The following HMCN1 variants were observed in gnomAD, a reference collection of about 807,000 sequenced individuals.
HMCN1 encodes the protein hemicentin 1.
In HMCN1, 321 loss-of-function variants were observed where a neutral mutation model predicts 625.9. That is an observed-to-expected ratio of 0.51 (90% confidence interval 0.47 to 0.56). The LOEUF (loss-of-function observed/expected upper bound fraction) is 0.56, where lower values mean the gene tolerates loss of function less well. Ranked by LOEUF, HMCN1 falls within the 20% of genes least tolerant of loss-of-function variation. HMCN1 has a pLI of 0.00. For missense variants in HMCN1, 6,588 were observed against 6,887.3 expected, an observed-to-expected ratio of 0.96 and a Z score of 1.54; for synonymous variants, 2,425 against 2,417.6, an observed-to-expected ratio of 1.00 and a Z score of -0.09.
In HMCN1 at chr1:186,055,492, C is replaced by A. The variant is rs777756168; in HGVS notation, c.6962C>A (p.Pro2321Gln). The change falls in exon 45 of 107, where the codon CCA (proline) becomes CAA (glutamine). Residue 2321 changes from proline to glutamine, a missense_variant. Around this residue, in one of 3 missense-constraint regions of HMCN1, gnomAD observed 4,628 missense variants for 4,853.1 expected, o/e 0.95. Transcript: ENST00000271588. Reference protein sequence around the residue: ...SLECEVQGIPPPTVTWMKDGH... With the variant: ...SLECEVQGIPQPTVTWMKDGH... ...GAGTGTGAGGTGCAGGGTATTCCAC[C>A]ACCAACAGTGACCTGGATGAAAGAT... 1.2e-6 allele frequency: 2 copies of A among 1,612,844 alleles called. No homozygotes were observed. Among genetic ancestry groups the A allele is most frequent in the South Asian group, 2.2e-5 (2 of 91,062 alleles).
chr1:186,000,527 G>A (rs1280677577), intron 26 of HMCN1, among the ~76,000 whole-genome samples: 2 of 150,166 alleles, frequency 1.3e-5, no homozygotes, highest in Non-Finnish European at 3.0e-5. Context: ...ATAAAGGAAA[G>A]TTATCAGCGT....
intron 1 of HMCN1, among the ~76,000 whole-genome samples, chr1:185,794,726 C>T (rs902156724): frequency 1.3e-5 from 2 of 150,310 alleles, no homozygotes; most frequent in African/African-American, 2.4e-5. Context: ...ATATTAATCT[C>T]CTTTGGTAAC....
intron 30 of HMCN1, among the ~76,000 whole-genome samples, chr1:186,012,616 A>G (rs796173187): frequency 6.6e-6 from 1 of 152,116 alleles, no homozygotes; most frequent in African/African-American, 2.4e-5. Context: ...TATTTTCTTT[A>G]GACCCGTTTC....
intron 4 of HMCN1, among the ~76,000 whole-genome samples, chr1:185,891,243 G>A (rs1665057901): frequency 7.2e-6 from 1 of 138,276 alleles, no homozygotes; most frequent in South Asian, 2.2e-4. Context: ...ACAGCACACT[G>A]ATGGGTCTTG....
At chr1:186,115,052 A>G in intron 74 of HMCN1, 106 bp downstream of exon 74, 1 of 1,515,678 alleles carries the variant, frequency 6.6e-7, no homozygotes, top group Non-Finnish European at 9.1e-7. Flanking sequence ...TAGTTAAGCA[A>G]TTTACATTAT....
intron 40 of HMCN1, among the ~76,000 whole-genome samples, chr1:186,043,478 A>G (rs1436824729): frequency 2.0e-5 from 3 of 152,052 alleles, no homozygotes; most frequent in African/African-American, 7.2e-5. Flanking sequence ...TTTGAACTTG[A>G]TTCAACTCAT....
intron 67 of HMCN1, among the ~76,000 whole-genome samples, chr1:186,094,811 T>TC (rs1163274061): frequency 6.6e-6 from 1 of 152,178 alleles, no homozygotes; most frequent in Admixed American, 6.5e-5. Flanking sequence ...AGTTTGCTGA[T>TC]CCACATTTCT....
At chr1:185,738,541 A>C (rs975622054) in intron 1 of HMCN1, among the ~76,000 whole-genome samples, 2 of 152,058 alleles carry the variant, frequency 1.3e-5, no homozygotes, top group African/African-American at 4.8e-5. Context: ...GATATACCAC[A>C]TTTTGTTTAT....
chr1:185,804,186 T>G (rs916922209), intron 1 of HMCN1, among the ~76,000 whole-genome samples: 2 of 152,038 alleles, frequency 1.3e-5, no homozygotes, highest in Non-Finnish European at 2.9e-5. Context: ...AAGTATAATT[T>G]TAGTTTTCCT....
chr1:186,152,628 T>A, intron 95 of HMCN1, 122 bp from the exon 96 acceptor site: 1 of 1,145,084 alleles, frequency 8.7e-7, no homozygotes, highest in Non-Finnish European at 1.3e-6. Context: ...GTTCTCATCA[T>A]CTATACTTAT....
At chr1:186,144,840 G>A in intron 91 of HMCN1, 137 bp downstream of exon 91, 1 of 1,024,232 alleles carries the variant, frequency 9.8e-7, no homozygotes, top group Non-Finnish European at 1.5e-6. Context: ...TAAGGTTGCT[G>A]TCATGTCTGT....
Position 186,018,222 on chromosome 1 carries a change from A to G in HMCN1, c.5340A>G (p.Gly1780=), listed in dbSNP as rs1017144162. 6.2e-7 allele frequency: 1 copy of G among 1,612,770 alleles called. No homozygotes were observed. Among genetic ancestry groups the G allele is most frequent in the African/African-American group, 1.3e-5 (1 of 74,854 alleles). The change falls in exon 34 of 107, where the codon GGA becomes GGG. Residue 1780 remains glycine, a synonymous_variant. Coordinates refer to ENST00000271588, the MANE Select transcript of HMCN1 (RefSeq NM_031935.3). ...GCCAGTTAATTGATGAAAGGGATGG[A>G]TTCAAGATTTTATTAAATGGACGCA... ...KDGQLIDERD[G]FKILLNGRKL...
At chr1:186,129,426 A>G (rs1340128226) in intron 83 of HMCN1, among the ~76,000 whole-genome samples, 1 of 151,642 alleles carries the variant, frequency 6.6e-6, no homozygotes, top group Non-Finnish European at 1.5e-5. Context: ...TTATATAATC[A>G]CCATTTATGA....
chr1:186,119,695 G>C (rs1160862797), intron 78 of HMCN1, 50 bp from the exon 79 acceptor site: 2 of 1,583,036 alleles, frequency 1.3e-6, no homozygotes, highest in Admixed American at 3.3e-5. Context: ...AATAGACATG[G>C]TTTATTAACT....
chr1:186,184,044 T>C (rs180804885), intron 105 of HMCN1, among the ~76,000 whole-genome samples: 32 of 152,318 alleles, frequency 2.1e-4, no homozygotes, highest in Admixed American at 2.1e-3. Context: ...TTTTTCTCCC[T>C]TTCTAAATTG....
At chr1:186,067,604 A>T (rs1658208248) in intron 49 of HMCN1, among the ~76,000 whole-genome samples, 1 of 151,794 alleles carries the variant, frequency 6.6e-6, no homozygotes, top group Non-Finnish European at 1.5e-5. Context: ...CCCTTACTAC[A>T]TTGTGGTTTT....
At chr1:185,779,909 T>C (rs1236285624) in intron 1 of HMCN1, among the ~76,000 whole-genome samples, 1 of 152,214 alleles carries the variant, frequency 6.6e-6, no homozygotes, top group Admixed American at 6.5e-5. Context: ...TTGATGGGGA[T>C]GGCATTGAAT....
chr1:185,867,376 A>AC (rs1375634190), intron 4 of HMCN1, among the ~76,000 whole-genome samples: 1 of 152,182 alleles, frequency 6.6e-6, no homozygotes, highest in Admixed American at 6.5e-5. Context: ...TCTCTCAGAC[A>AC]CTGGGTTCCT....
chr1:185,811,570 T>C (rs964052493), intron 1 of HMCN1, among the ~76,000 whole-genome samples: 1 of 151,892 alleles, frequency 6.6e-6, no homozygotes, highest in Non-Finnish European at 1.5e-5. Flanking sequence ...TGCTCCAGCC[T>C]GGGTGACAGA....
Sources: allele counts gnomAD v4.1 joint callset (sites outside exome capture counted in the v4.1 genomes callset), GRCh38; gene constraint gnomAD v4.1.1; regional missense constraint gnomAD v4.1.1; transcripts MANE v1.5; gene names NCBI Gene and HGNC (gene_info 2026-07-23, HGNC 2026-07-21).